The following AGBL4 variants were observed in gnomAD, a reference collection of about 807,000 sequenced individuals.
AGBL4 encodes the protein AGBL carboxypeptidase 4, also known as cytosolic carboxypeptidase 6.
AGBL4 carries 58 observed loss-of-function variants against 66.4 expected under a neutral mutation model. That is an observed-to-expected ratio of 0.87 (90% CI 0.71 to 1.09). The LOEUF (loss-of-function observed/expected upper bound fraction) is 1.09, where lower values mean the gene tolerates loss of function less well. Among genes scored for constraint, AGBL4 ranks in the 50% least tolerant of loss-of-function variants. AGBL4 has a pLI of 0.00. For missense variants in AGBL4, 579 were observed against 631.0 expected (o/e 0.92, Z 0.88); for synonymous variants, 234 against 222.9 (o/e 1.05, Z -0.44).
At position 49,245,846 on chromosome 1, in the gene AGBL4, CAATGTTGAA is replaced by C. The variant is rs1357092966; in HGVS notation, c.292_300del (p.Phe98_Ile100del). 1.0e-5 allele frequency: 16 copies of C among 1,548,898 alleles called. 1 individual carries two copies. The highest frequency in any genetic ancestry group is 1.4e-5 in the Non-Finnish European group (16 of 1,145,140). ...AGACTCTTGGTTTTACTGAAGTTAA[CAATGTTGAA>C]AATGACCCTCTGAAAAAGAAAGAGG... On this transcript the variant is annotated inframe_deletion, in exon 4 of 14. Transcript: ENST00000371839.
chr1:49,732,687 C>G (rs1468185361), intron 2 of AGBL4, among the ~76,000 whole-genome samples: 2 of 151,992 alleles, frequency 1.3e-5, no homozygotes, highest in East Asian at 3.9e-4. Context: ...GAAGAAAAAT[C>G]AGTATACATG....
chr1:48,738,197 G>GA (rs375250728), intron 6 of AGBL4, among the ~76,000 whole-genome samples: 1 of 151,880 alleles, frequency 6.6e-6, no homozygotes, highest in African/African-American at 2.4e-5. Context: ...CCATCAAGAA[G>GA]AAAAAAAATA....
chr1:49,742,028 A>G (rs1346444074), intron 2 of AGBL4, among the ~76,000 whole-genome samples: 1 of 152,250 alleles, frequency 6.6e-6, no homozygotes, highest in East Asian at 1.9e-4. Context: ...CCTGTTCAAC[A>G]TAGTGTTGGA....
At chr1:48,994,086 C>T (rs1216567689) in intron 5 of AGBL4, among the ~76,000 whole-genome samples, 1 of 152,084 alleles carries the variant, frequency 6.6e-6, no homozygotes, top group Non-Finnish European at 1.5e-5. Context: ...CCCTCTAAGA[C>T]CCTTCAGTCT....
At chr1:49,659,212 T>C (rs572106618) in intron 3 of AGBL4, among the ~76,000 whole-genome samples, 3 of 152,054 alleles carry the variant, frequency 2.0e-5, no homozygotes, top group South Asian at 4.2e-4. Flanking sequence ...AAAAAACACA[T>C]TGAAGTACAC....
intron 6 of AGBL4, among the ~76,000 whole-genome samples, chr1:48,745,315 C>T (rs1333461730): frequency 6.6e-6 from 1 of 152,032 alleles, no homozygotes; most frequent in Non-Finnish European, 1.5e-5. Context: ...TCTTGGAGTC[C>T]GAGAAGTAGA....
chr1:49,909,782 T>C (rs958986898), intron 1 of AGBL4, among the ~76,000 whole-genome samples: 1 of 152,162 alleles, frequency 6.6e-6, no homozygotes. Context: ...TTCATCAGGA[T>C]TTACATTTGC....
intron 1 of AGBL4, among the ~76,000 whole-genome samples, chr1:50,002,158 A>G (rs60111374): frequency 6.6e-6 from 1 of 152,076 alleles, no homozygotes; most frequent in African/African-American, 2.4e-5. Context: ...GCATGGCTCC[A>G]TTAAACAAGA....
chr1:49,551,790 G>A (rs546841723), intron 3 of AGBL4, among the ~76,000 whole-genome samples: 1 of 152,334 alleles, frequency 6.6e-6, no homozygotes, highest in South Asian at 2.1e-4. Context: ...GGTAGGTAGT[G>A]CTGTCCAGAG....
At chr1:49,054,208 C>T (rs543652348) in intron 4 of AGBL4, among the ~76,000 whole-genome samples, 5 of 152,142 alleles carry the variant, frequency 3.3e-5, no homozygotes, top group Admixed American at 2.6e-4. Context: ...AGCAGAAGAA[C>T]TAAAACCAGC....
At chr1:48,665,540 C>T (rs60835412) in intron 6 of AGBL4, among the ~76,000 whole-genome samples, 3,585 of 152,236 alleles carry the variant, frequency 0.024, 151 homozygotes, top group African/African-American at 0.083. Context: ...GGAACTGAGG[C>T]TCACAGAAGG....
At chr1:49,934,381 T>G (rs999848240) in intron 1 of AGBL4, among the ~76,000 whole-genome samples, 1 of 152,162 alleles carries the variant, frequency 6.6e-6, no homozygotes, top group African/African-American at 2.4e-5. Flanking sequence ...CTATAAGTAG[T>G]CATATGTGAG....
At chr1:49,797,475 C>G (rs1401832027) in intron 2 of AGBL4, among the ~76,000 whole-genome samples, 1 of 152,082 alleles carries the variant, frequency 6.6e-6, no homozygotes, top group Non-Finnish European at 1.5e-5. Flanking sequence ...GCTCTGTCGC[C>G]CAGGCTAGAG....
intron 2 of AGBL4, among the ~76,000 whole-genome samples, chr1:49,842,902 A>T (rs1049448900): frequency 6.6e-6 from 1 of 152,218 alleles, no homozygotes; most frequent in Non-Finnish European, 1.5e-5. Flanking sequence ...GCATAGTAAA[A>T]GCACTCTGAC....
At chr1:48,633,535 C>A (rs1645623186) in intron 9 of AGBL4, among the ~76,000 whole-genome samples, 1 of 152,182 alleles carries the variant, frequency 6.6e-6, no homozygotes, top group African/African-American at 2.4e-5. Context: ...CCTCTGTGCA[C>A]CCTTTTGGAC....
rs1293202830 is a variant in AGBL4 at position 48,782,823 on chromosome 1, C to G, written c.634+84368G>C. Among the ~76,000 whole-genome samples, 4 of 152,172 alleles carry G rather than the reference C, an allele frequency of 2.6e-5. No individual in the cohort carries two copies. In the East Asian group the frequency reaches 7.7e-4, roughly 29 times the overall value. On this transcript the variant is annotated intron_variant, in intron 6 of 13. Transcript: ENST00000371839. ...TTTGAGTTCACTCTTGGTGTACGTT[C>G]TATGACTTTGGACAAAAATATAATG...
chr1:49,764,877 A>G (rs997454320), intron 2 of AGBL4, among the ~76,000 whole-genome samples: 2 of 152,200 alleles, frequency 1.3e-5, no homozygotes, highest in African/African-American at 4.8e-5. Flanking sequence ...ACTGTGGTCC[A>G]GAGACAGACT....
At chr1:49,381,470 A>G (rs1644607726) in intron 3 of AGBL4, among the ~76,000 whole-genome samples, 1 of 152,188 alleles carries the variant, frequency 6.6e-6, no homozygotes, top group Non-Finnish European at 1.5e-5. Context: ...TAGAAATACC[A>G]TTTGACCCAG....
chr1:49,958,006 C>G (rs1053592681), intron 1 of AGBL4, among the ~76,000 whole-genome samples: 1 of 151,980 alleles, frequency 6.6e-6, no homozygotes, highest in Non-Finnish European at 1.5e-5. Context: ...ACCGGTTGTT[C>G]CTTTCCATGT....
Sources: gnomAD v4.1 joint callset for allele counts (sites outside exome capture counted in the v4.1 genomes callset) on GRCh38, gnomAD v4.1.1 for gene constraint, MANE v1.5 for transcripts, NCBI Gene and HGNC (gene_info 2026-07-23, HGNC 2026-07-21) for gene names.